Variants in AGO3 observed in about 807,000 individuals in gnomAD.
The protein encoded by AGO3 is protein argonaute-3.
In AGO3, 16 loss-of-function variants were observed where a neutral mutation model predicts 105.5. The ratio of observed to expected loss-of-function variants is 0.15; its 90% CI spans 0.10 to 0.23. The LOEUF (loss-of-function observed/expected upper bound fraction) is 0.23. Ranked by LOEUF, AGO3 falls within the 10% of genes least tolerant of loss-of-function variation. The pLI is 1.00. For synonymous variants in AGO3, 340 were observed against 367.3 expected, an observed-to-expected ratio of 0.93 and a Z score of 0.85; for missense variants, 534 against 1,088.0, an observed-to-expected ratio of 0.49 and a Z score of 7.16.
chr1:35,991,693 G>A (rs1184277866), intron 5 of AGO3, among the ~76,000 whole-genome samples: 4 of 151,816 alleles, frequency 2.6e-5, no homozygotes, highest in South Asian at 2.1e-4. Flanking sequence ...CTGTATTGAC[G>A]TTTAATTTAC....
chr1:35,982,592 A>AT (rs1557663850), intron 5 of AGO3: 2 of 717,170 alleles, frequency 2.8e-6, no homozygotes, highest in Admixed American at 4.0e-5. Flanking sequence ...TTTAAGAAGG[A>AT]TAGTGACATG....
At chr1:35,937,536 C>G (rs1476158715) in intron 1 of AGO3, among the ~76,000 whole-genome samples, 1 of 151,176 alleles carries the variant, frequency 6.6e-6, no homozygotes, top group Non-Finnish European at 1.5e-5. Flanking sequence ...ATTAAAAATA[C>G]AAAAATTAGC....
rs1226829590 is a variant in AGO3, at chr1:35,967,054, A to G, written c.291A>G (p.Pro97=). The change falls in exon 3 of 19, where the codon CCA becomes CCG. Residue 97 remains proline (P), a synonymous_variant. Coordinates refer to ENST00000373191, the MANE Select transcript of AGO3 (RefSeq NM_024852.4). ...AAAGAAGTCTTTACACCGCCAATCCACTTCCTGTGGCAACTACAGGGGTAA... is the reference window on the plus strand; with the variant it reads ...AAAGAAGTCTTTACACCGCCAATCCGCTTCCTGTGGCAACTACAGGGGTAA... ...DGKRSLYTAN[P]LPVATTGVDL... The G allele has an allele frequency of 2.5e-6, 4 of 1,613,314 alleles. No individual in the cohort carries two copies. The highest frequency in any genetic ancestry group is 1.7e-5 in the Admixed American group (1 of 59,820).
chr1:36,045,098 A>T (rs557613760), intron 17 of AGO3, among the ~76,000 whole-genome samples: 21 of 152,256 alleles, frequency 1.4e-4, no homozygotes, highest in Middle Eastern at 3.4e-3. Context: ...TTTACAATTA[A>T]TGTTGTACAT....
chr1:35,964,348 C>T (rs1399271017), intron 2 of AGO3, among the ~76,000 whole-genome samples: 1 of 152,158 alleles, frequency 6.6e-6, no homozygotes, highest in African/African-American at 2.4e-5. Flanking sequence ...CATCATTTAG[C>T]TCCCACTTAT....
chr1:35,956,924 C>T (rs933161186), intron 2 of AGO3, among the ~76,000 whole-genome samples: 20 of 151,364 alleles, frequency 1.3e-4, no homozygotes, highest in African/African-American at 4.8e-4. Context: ...GCTAGGATTA[C>T]AGGCATGAGC....
chr1:35,978,259 G>A lies in AGO3; in HGVS notation c.658+4748G>A, dbSNP rs370161740. Among the ~76,000 whole-genome samples the A allele has an allele frequency of 7.2e-5, 11 of 151,968 alleles. No individual in the cohort carries two copies. The East Asian group carries it at 9.6e-4, about 13-fold the overall frequency. ...GGCTGGAGTGTAGTGGCTCGATCTCGACTCACTGCAACCTCCGCCTCCCTG... is the reference window on the plus strand; with the variant it reads ...GGCTGGAGTGTAGTGGCTCGATCTCAACTCACTGCAACCTCCGCCTCCCTG... On this transcript the variant is annotated intron_variant, in intron 5 of 18. Coordinates refer to ENST00000373191, the MANE Select transcript of AGO3 (RefSeq NM_024852.4).
chr1:36,042,097 TG>T (rs1477755594), intron 16 of AGO3, among the ~76,000 whole-genome samples: 2 of 152,212 alleles, frequency 1.3e-5, no homozygotes, highest in Non-Finnish European at 2.9e-5. Context: ...TTTTTGTTTT[TG>T]TTTTTTTTGA....
At position 36,004,335 on chromosome 1, in the gene AGO3, T is replaced by C; in HGVS notation, c.659-6T>C. ...TAATTTGTATTGTTTGTGTTTTTCT[T>C]CTTAGTTTCTGCCACTGCCTTCTAC... On this transcript the variant is annotated splice_polypyrimidine_tract_variant and splice_region_variant and intron_variant, in intron 5 of 18. Coordinates refer to ENST00000373191, the MANE Select transcript of AGO3 (RefSeq NM_024852.4). 6.3e-7 allele frequency: 1 copy of C among 1,591,918 alleles called. No individual in the cohort carries two copies. Among genetic ancestry groups the C allele is most frequent in the Non-Finnish European group, 8.5e-7 (1 of 1,170,348 alleles).
Position 36,027,671 on chromosome 1 carries a change from C to G in AGO3, c.1591+373C>G, listed in dbSNP as rs969083286. 1.3e-5 allele frequency among the ~76,000 whole-genome samples: 2 copies of G among 151,086 alleles called. No individual in the cohort carries two copies. The highest frequency in any genetic ancestry group is 4.9e-5 in the African/African-American group (2 of 41,034). ...GTGGGCGCCTGTGGTCCCAGCCACT[C>G]AGGAGGCTGAGGCAGGAGAATGGCG... On this transcript the variant is annotated intron_variant, in intron 12 of 18. Coordinates refer to ENST00000373191, the MANE Select transcript of AGO3 (RefSeq NM_024852.4). This position sits in a 1 kb window ranked among gnomAD's most constrained non-coding sequence, Gnocchi z 4.0.
chr1:36,015,323 A>G (rs1640849755), intron 11 of AGO3, among the ~76,000 whole-genome samples: 1 of 152,170 alleles, frequency 6.6e-6, no homozygotes, highest in Non-Finnish European at 1.5e-5. Flanking sequence ...ATCCCTGGGT[A>G]CACCACCCTC....
At chr1:35,980,147 T>A (rs2148782624) in intron 5 of AGO3, among the ~76,000 whole-genome samples, 1 of 152,356 alleles carries the variant, frequency 6.6e-6, no homozygotes, top group African/African-American at 2.4e-5. Context: ...AGCAGTCTTT[T>A]GTTTCCCTTA....
At chr1:36,014,155 A>C (rs1640757874) in intron 11 of AGO3, 107 bp downstream of exon 11, 7 of 1,452,668 alleles carry the variant, frequency 4.8e-6, no homozygotes, top group Non-Finnish European at 4.7e-6. Context: ...ATATGTAATC[A>C]CTGAACCATT....
At chr1:35,954,257 G>T (rs1295053161) in intron 2 of AGO3, among the ~76,000 whole-genome samples, 1 of 152,150 alleles carries the variant, frequency 6.6e-6, no homozygotes, top group African/African-American at 2.4e-5. Context: ...TTCTTTTAGA[G>T]TGGCATCTAA....
intron 5 of AGO3, among the ~76,000 whole-genome samples, chr1:35,996,002 C>A (rs1639778354): frequency 1.3e-5 from 2 of 151,212 alleles, no homozygotes; most frequent in Non-Finnish European, 2.9e-5. Flanking sequence ...AAATTGAAAA[C>A]CATTGCAATT....
chr1:35,963,213 G>C (rs1028581122), intron 2 of AGO3, among the ~76,000 whole-genome samples: 1 of 152,166 alleles, frequency 6.6e-6, no homozygotes. Context: ...CATTGTTTTT[G>C]GGTGTTGCAA....
intron 2 of AGO3, among the ~76,000 whole-genome samples, chr1:35,962,958 T>A (rs1394596543): frequency 6.6e-6 from 1 of 152,216 alleles, no homozygotes; most frequent in African/African-American, 2.4e-5. Flanking sequence ...GCTTTTAGTT[T>A]ATACCGATTA....
intron 1 of AGO3, among the ~76,000 whole-genome samples, chr1:35,940,375 A>AC (rs1378524241): frequency 6.6e-6 from 1 of 152,060 alleles, no homozygotes; most frequent in Non-Finnish European, 1.5e-5. Flanking sequence ...CCTAAAAAAA[A>AC]TTTTTGATTC....
Position 35,932,556 on chromosome 1 carries a change from A to AT in AGO3, c.19+1129dup, listed in dbSNP as rs201169266. ...AGATGAGATGGGGAGAGAGTTACAAATTTTTTTTTTTTTTTTTTACAAATT... is the reference window on the plus strand; with the variant it reads ...AGATGAGATGGGGAGAGAGTTACAAATTTTTTTTTTTTTTTTTTTACAAATT... On this transcript the variant is annotated intron_variant, in intron 1 of 18. Transcript: ENST00000373191. Among the ~76,000 whole-genome samples the AT allele has an allele frequency of 9.9e-3, 1,411 of 143,148 alleles. 11 individuals carry two copies. The highest frequency in any genetic ancestry group is 0.062 in the South Asian group (278 of 4,512). The allele number at this position is 143,148 out of a possible 152,430, so 93.9% of individuals were successfully genotyped here.
Sources: gnomAD v4.1 joint callset for allele counts (sites outside exome capture counted in the v4.1 genomes callset) on GRCh38, gnomAD v4.1.1 for gene constraint, Gnocchi (gnomAD v3.1) non-coding constraint, MANE v1.5 for transcripts, NCBI Gene and HGNC (gene_info 2026-07-23, HGNC 2026-07-21) for gene names.